Variants in RNF24 observed in about 807,000 individuals in gnomAD.
RNF24 encodes ring finger protein 24.
Under a neutral mutation model 20.0 loss-of-function variants are expected in RNF24, and 14 were observed. The observed-to-expected ratio is 0.70, with a 90% CI of 0.46 to 1.10. The LOEUF is 1.10. Among genes scored for constraint, RNF24 ranks in the 50% least tolerant of loss-of-function variants. The pLI is 0.00. For missense variants in RNF24, 124 were observed against 177.6 expected (o/e 0.70, Z 1.71); for synonymous variants, 45 against 61.1 (o/e 0.74, Z 1.23).
rs1485541493 is a variant in RNF24 at position 3,933,990 on chromosome 20, A to G, written c.*73T>C. On this transcript the variant is annotated 3_prime_UTR_variant, in exon 6 of 6. Transcript: ENST00000358395. ...GGTGTCCTAGGTAGAGAGCAGCCAT[A>G]CAGACACCACATGTGTTCCTCCTGG... 4.4e-6 allele frequency: 6 copies of G among 1,360,146 alleles called. No homozygotes were observed. Among genetic ancestry groups the G allele is most frequent in the African/African-American group, 1.5e-5 (1 of 66,258 alleles). The allele number at this position is 1,360,146 out of a possible 1,614,324, so 84.3% of individuals were successfully genotyped here. A position where few individuals can be genotyped will look rare whatever the true frequency, so the allele number is the denominator to read the frequency against.
intron 1 of RNF24, among the ~76,000 whole-genome samples, chr20:3,968,668 TTGAG>T (rs1258644108): frequency 2.0e-5 from 3 of 152,186 alleles, no homozygotes; most frequent in Admixed American, 2.0e-4. Flanking sequence ...TTGTTATTTA[TTGAG>T]TATCTTTATG....
chr20:3,980,374 C>G (rs1979278260), intron 1 of RNF24, among the ~76,000 whole-genome samples: 1 of 152,104 alleles, frequency 6.6e-6, no homozygotes, highest in African/African-American at 2.4e-5. Flanking sequence ...GAACTGATAA[C>G]CAAGACCCTA....
At chr20:3,986,150 G>A (rs1458151898) in intron 1 of RNF24, among the ~76,000 whole-genome samples, 3 of 152,146 alleles carry the variant, frequency 2.0e-5, no homozygotes, top group African/African-American at 7.2e-5. Flanking sequence ...AGAAGAATTT[G>A]ACGTCTCATG....
In RNF24 at chr20:3,933,926, G is replaced by T; in HGVS notation, c.*137C>A. The T allele has an allele frequency of 7.1e-6, 6 of 849,690 alleles. No homozygotes were observed. The highest frequency in any genetic ancestry group is 9.9e-6 in the Non-Finnish European group (6 of 604,314). 52.6% of individuals were successfully genotyped at this position (849,690 alleles called of 1,614,324 possible). A position where few individuals can be genotyped will look rare whatever the true frequency, so the allele number is the denominator to read the frequency against. On this transcript the variant is annotated 3_prime_UTR_variant, in exon 6 of 6. Coordinates refer to ENST00000358395, the MANE Select transcript of RNF24 (RefSeq NM_001134337.3). ...AGACACCTAGGTTCCCAGTTTGGCT[G>T]GCCCAAGAGTTCTTCATGAGGCAAA...
In RNF24 at chr20:3,937,190, A is replaced by C. The variant is rs6084520; in HGVS notation, c.229-2117T>G. 7.4e-3 allele frequency among the ~76,000 whole-genome samples: 1,130 copies of C among 152,308 alleles called. 4 individuals carry two copies. The highest frequency in any genetic ancestry group is 0.012 in the Non-Finnish European group (812 of 68,024). On this transcript the variant is annotated intron_variant, in intron 4 of 5. Coordinates refer to ENST00000358395, the MANE Select transcript of RNF24 (RefSeq NM_001134337.3). ...ATGTGCTATTATGTTCTGAATAAAC[A>C]GATCCTAAAACTATAGCCACCTGAG...
At chr20:3,979,200 C>T (rs1184332056) in intron 1 of RNF24, among the ~76,000 whole-genome samples, 2 of 151,534 alleles carry the variant, frequency 1.3e-5, no homozygotes, top group East Asian at 1.9e-4. Flanking sequence ...AAAGAAAACA[C>T]CTTTTCATAT....
intron 1 of RNF24, among the ~76,000 whole-genome samples, chr20:3,989,402 A>G (rs1228243638): frequency 6.6e-6 from 1 of 151,902 alleles, no homozygotes; most frequent in Non-Finnish European, 1.5e-5. Flanking sequence ...GAGGCAGGAG[A>G]ATGGCGTGAA....
rs2090780531 is a variant in RNF24 at position 3,929,190 on chromosome 20, G to GAGGAGGCCAGCCTGGGCAACAT, written c.*4851_*4872dup. ...TCTTTTCAAAGTGTGTGCACAGAGT[G>GAGGAGGCCAGCCTGGGCAACAT]AGGAGGCCAGCCTGGGCAACATAGT... On this transcript the variant is annotated 3_prime_UTR_variant, in exon 6 of 6. Coordinates refer to ENST00000358395, the MANE Select transcript of RNF24 (RefSeq NM_001134337.3). The GAGGAGGCCAGCCTGGGCAACAT allele has an allele frequency of 6.6e-6, 1 of 152,180 alleles. No homozygotes were observed. Among genetic ancestry groups the GAGGAGGCCAGCCTGGGCAACAT allele is most frequent in the Admixed American group, 6.5e-5 (1 of 15,282 alleles). 9.4% of individuals were successfully genotyped at this position (152,180 alleles called of 1,614,324 possible).
chr20:3,972,488 C>T (rs1978434378), intron 1 of RNF24, among the ~76,000 whole-genome samples: 1 of 152,122 alleles, frequency 6.6e-6, no homozygotes, highest in Non-Finnish European at 1.5e-5. Context: ...ACATTTATAA[C>T]AGAAGGGTAG....
intron 1 of RNF24, among the ~76,000 whole-genome samples, chr20:3,975,699 T>C (rs1335098135): frequency 6.6e-6 from 1 of 152,028 alleles, no homozygotes; most frequent in African/African-American, 2.4e-5. Context: ...TATACTAGAG[T>C]AATCCAATAT....
chr20:3,969,072 GATAAGACAGA>G lies in RNF24; in HGVS notation c.-7-5058_-7-5049del, dbSNP rs370376516. 7.0e-3 allele frequency among the ~76,000 whole-genome samples: 1,062 copies of G among 152,136 alleles called. 11 individuals carry two copies. The highest frequency in any genetic ancestry group is 0.024 in the African/African-American group (988 of 41,500). On this transcript the variant is annotated intron_variant, in intron 1 of 5. Transcript: ENST00000358395. ...TTTCTATGTCTCGGTTTCCTCATCTGATAAGACAGAATAATACTAGTAACTATTTCATAAA... is the reference window on the plus strand; with the variant it reads ...TTTCTATGTCTCGGTTTCCTCATCTGATAATACTAGTAACTATTTCATAAA...
intron 3 of RNF24, among the ~76,000 whole-genome samples, chr20:3,947,009 G>A (rs758034109): frequency 6.6e-6 from 1 of 152,114 alleles, no homozygotes; most frequent in Non-Finnish European, 1.5e-5. Flanking sequence ...TGGCCAACAT[G>A]GTGAAATCCT....
In RNF24 at chr20:3,927,670, A is replaced by T. The variant is rs1203516235; in HGVS notation, c.*6393T>A. ...CAACACTCTAGGAAGACCAGCTGTC[A>T]CCAGAAGGGAGTTCCTAACACTTGC... On this transcript the variant is annotated 3_prime_UTR_variant, in exon 6 of 6. Coordinates refer to ENST00000358395, the MANE Select transcript of RNF24 (RefSeq NM_001134337.3). The T allele has an allele frequency of 5.9e-5, 9 of 152,252 alleles. No homozygotes were observed. The highest frequency in any genetic ancestry group is 1.2e-4 in the Non-Finnish European group (8 of 68,044). 9.4% of individuals were successfully genotyped at this position (152,252 alleles called of 1,614,324 possible).
chr20:3,927,942 G>A lies in RNF24; in HGVS notation c.*6121C>T, dbSNP rs897575183. On this transcript the variant is annotated 3_prime_UTR_variant, in exon 6 of 6. Transcript: ENST00000358395. Reference sequence around the variant, plus strand: ...AAAGTGGAGTACATCTTTGCATCTTGTAACAATTTGGGCTCTACAGCTGAA... The same window carrying A: ...AAAGTGGAGTACATCTTTGCATCTTATAACAATTTGGGCTCTACAGCTGAA... The A allele has an allele frequency of 6.6e-6, 1 of 152,208 alleles. No homozygotes were observed. Among genetic ancestry groups the A allele is most frequent in the South Asian group, 2.1e-4 (1 of 4,826 alleles). 9.4% of individuals were successfully genotyped at this position (152,208 alleles called of 1,614,324 possible). A position where few individuals can be genotyped will look rare whatever the true frequency, so the allele number is the denominator to read the frequency against.
intron 3 of RNF24, among the ~76,000 whole-genome samples, chr20:3,946,053 C>G (rs1381123031): frequency 2.0e-5 from 3 of 152,188 alleles, no homozygotes; most frequent in Non-Finnish European, 4.4e-5. Context: ...TTTTAAAGAT[C>G]AAATTTACTG....
At chr20:4,007,067 A>T (rs992947104) in intron 1 of RNF24, among the ~76,000 whole-genome samples, 1 of 152,374 alleles carries the variant, frequency 6.6e-6, no homozygotes, top group South Asian at 2.1e-4. Context: ...CTACCTAGGT[A>T]AGAAAAGAAA....
At chr20:3,991,454 G>A (rs986911751) in intron 1 of RNF24, among the ~76,000 whole-genome samples, 7 of 151,932 alleles carry the variant, frequency 4.6e-5, no homozygotes, top group South Asian at 4.1e-4. Context: ...GGATTTCACC[G>A]TGTTAGCCAG....
Position 3,963,986 on chromosome 20 carries a change from C to G in RNF24, c.32G>C (p.Arg11Thr). 2.5e-6 allele frequency: 4 copies of G among 1,613,344 alleles called. No individual in the cohort carries two copies. The highest frequency in any genetic ancestry group is 3.4e-6 in the Non-Finnish European group (4 of 1,179,694). Reference protein sequence around the residue: MSSDFPHYNFRMPNIGFQNLP... With the variant: MSSDFPHYNFTMPNIGFQNLP... ...ATTCTGGAATCCAATATTAGGCATC[C>G]TGAAGTTGTAATGTGGGAAATCCGA... Residue 11 changes from arginine to threonine, a missense_variant, in exon 2 of 6, where the codon AGG becomes ACG. Coordinates refer to ENST00000358395, the MANE Select transcript of RNF24 (RefSeq NM_001134337.3).
At chr20:3,967,717 C>T (rs1257537587) in intron 1 of RNF24, among the ~76,000 whole-genome samples, 3 of 152,102 alleles carry the variant, frequency 2.0e-5, no homozygotes, top group Admixed American at 1.3e-4. Flanking sequence ...TCAGAAGTGC[C>T]GGGTGCAGTG....
Sources: allele counts gnomAD v4.1 joint callset (sites outside exome capture counted in the v4.1 genomes callset), GRCh38; gene constraint gnomAD v4.1.1; transcripts MANE v1.5; gene names NCBI Gene and HGNC (gene_info 2026-07-23, HGNC 2026-07-21).